IGF2BP3: variants seen among roughly 807,000 people sequenced by gnomAD.
The protein encoded by IGF2BP3 is insulin like growth factor 2 mRNA binding protein 3, also known as insulin-like growth factor 2 mRNA-binding protein 3.
In IGF2BP3, 9 loss-of-function variants were observed where a neutral mutation model predicts 73.8. The ratio of observed to expected loss-of-function variants is 0.12; its 90% CI spans 0.07 to 0.21. The LOEUF (loss-of-function observed/expected upper bound fraction) is 0.21. IGF2BP3 is among the 10% of genes least tolerant of loss of function. The pLI is 1.00. For synonymous variants in IGF2BP3, 258 were observed against 256.7 expected (o/e 1.01, Z -0.05); for missense variants, 542 against 714.0 (o/e 0.76, Z 2.75).
At chr7:23,382,067 T>C (rs371262710) in intron 3 of IGF2BP3, among the ~76,000 whole-genome samples, 74 of 151,754 alleles carry the variant, frequency 4.9e-4, no homozygotes, top group Non-Finnish European at 9.3e-4. Flanking sequence ...CTGGGCAACA[T>C]AGGAAGACCC....
intron 2 of IGF2BP3, among the ~76,000 whole-genome samples, chr7:23,456,855 G>C (rs1369969882): frequency 2.6e-5 from 4 of 151,998 alleles, no homozygotes; most frequent in Non-Finnish European, 4.4e-5. Flanking sequence ...AGACCATCCT[G>C]GCCAACCAAT....
In IGF2BP3 at chr7:23,374,354, A is replaced by G. The variant is rs370147647; in HGVS notation, c.286-12613T>C. On this transcript the variant is annotated intron_variant, in intron 3 of 14. Transcript: ENST00000258729. Reference sequence around the variant, plus strand: ...GGATACCAAAATTCACAGATGCTCAAGTCCCTTATATAAAAATAGTATAGT... The same window carrying G: ...GGATACCAAAATTCACAGATGCTCAGGTCCCTTATATAAAAATAGTATAGT... Among the ~76,000 whole-genome samples, 6 of 152,170 alleles carry G rather than the reference A, an allele frequency of 3.9e-5. No individual in the cohort carries two copies. In the East Asian group the frequency reaches 1.2e-3, roughly 29 times the overall value.
intron 2 of IGF2BP3, among the ~76,000 whole-genome samples, chr7:23,430,412 T>G (rs1787643229): frequency 6.6e-6 from 1 of 152,138 alleles, no homozygotes; most frequent in Non-Finnish European, 1.5e-5. Flanking sequence ...AAGGTTCGGA[T>G]TTGGACTGGT....
At chr7:23,442,099 C>T (rs1787950601) in intron 2 of IGF2BP3, among the ~76,000 whole-genome samples, 1 of 152,224 alleles carries the variant, frequency 6.6e-6, no homozygotes, top group South Asian at 2.1e-4. Flanking sequence ...TGCACTCCAG[C>T]CTGGGCAACA....
intron 2 of IGF2BP3, among the ~76,000 whole-genome samples, chr7:23,450,989 T>C (rs1310348536): frequency 6.6e-6 from 1 of 152,246 alleles, no homozygotes; most frequent in Non-Finnish European, 1.5e-5. Context: ...CATATCCATA[T>C]GTGGCTGGAT....
At chr7:23,434,692 C>G (rs1021400544) in intron 2 of IGF2BP3, among the ~76,000 whole-genome samples, 1 of 152,170 alleles carries the variant, frequency 6.6e-6, no homozygotes, top group Admixed American at 6.6e-5. Context: ...TAACCCTTCT[C>G]CTAGCAGAAA....
chr7:23,444,309 T>TA (rs1788005158), intron 2 of IGF2BP3, among the ~76,000 whole-genome samples: 1 of 152,180 alleles, frequency 6.6e-6, no homozygotes, highest in African/African-American at 2.4e-5. Flanking sequence ...ACAAGATGTT[T>TA]AAATAGGTTA....
At chr7:23,367,739 G>A (rs768761066) in intron 3 of IGF2BP3, among the ~76,000 whole-genome samples, 1 of 151,884 alleles carries the variant, frequency 6.6e-6, no homozygotes, top group Non-Finnish European at 1.5e-5. Context: ...GGTGGCTCAC[G>A]CCTGTAATCC....
rs185924252 is a variant in IGF2BP3, at chr7:23,403,138, T to C, written c.285+15638A>G. Among the ~76,000 whole-genome samples, 4 of 152,334 alleles carry C rather than the reference T, an allele frequency of 2.6e-5. No homozygotes were observed. In the East Asian group the frequency reaches 7.7e-4, roughly 29 times the overall value. On this transcript the variant is annotated intron_variant, in intron 3 of 14. Coordinates refer to ENST00000258729, the MANE Select transcript of IGF2BP3 (RefSeq NM_006547.3). ...ATATTTATTGCTCAGTTTTCATATA[T>C]ACTGCATCTTCCAAAACTGTATCAT...
Position 23,342,121 on chromosome 7 carries a change from C to A in IGF2BP3, c.1146G>T (p.Met382Ile). Residue 382 changes from methionine (M) to isoleucine (I), a missense_variant, in exon 10 of 15, where the codon ATG becomes ATT. Coordinates refer to ENST00000258729, the MANE Select transcript of IGF2BP3 (RefSeq NM_006547.3). ...AAGGGGGCCCTGAGGTGGGAGGTGGCATCCCTGAAGTGGGTGGGAACAGAC... is the reference window on the plus strand; with the variant it reads ...AAGGGGGCCCTGAGGTGGGAGGTGGAATCCCTGAAGTGGGTGGGAACAGAC... ...ALGLFPPTSG[M>I]PPPTSGPPSA... The A allele has an allele frequency of 6.2e-7, 1 of 1,609,784 alleles. No homozygotes were observed. The highest frequency in any genetic ancestry group is 8.5e-7 in the Non-Finnish European group (1 of 1,178,656).
intron 3 of IGF2BP3, among the ~76,000 whole-genome samples, chr7:23,375,736 A>G (rs1309827036): frequency 6.6e-6 from 1 of 152,224 alleles, no homozygotes; most frequent in Non-Finnish European, 1.5e-5. Flanking sequence ...AGACCATCCC[A>G]GATGCTGGCA....
intron 2 of IGF2BP3, among the ~76,000 whole-genome samples, chr7:23,429,522 C>G (rs557091171): frequency 1.3e-5 from 2 of 152,324 alleles, no homozygotes; most frequent in African/African-American, 4.8e-5. Context: ...ATCCAACCAA[C>G]AGCATAACCA....
In IGF2BP3 at chr7:23,451,291, G is replaced by C. The variant is rs541164365; in HGVS notation, c.236+17191C>G. Among the ~76,000 whole-genome samples, 17 of 152,236 alleles carry C rather than the reference G, an allele frequency of 1.1e-4. No individual in the cohort carries two copies. In the East Asian group the frequency reaches 3.1e-3, roughly 28 times the overall value. On this transcript the variant is annotated intron_variant, in intron 2 of 14. Coordinates refer to ENST00000258729, the MANE Select transcript of IGF2BP3 (RefSeq NM_006547.3). ...AAACTAGTCAGGTGTGGTGGTGCAT[G>C]CCTGTAGTCCCAGCTACTCGGGAGG...
chr7:23,355,513 G>A (rs111528453), intron 5 of IGF2BP3, among the ~76,000 whole-genome samples: 1 of 152,052 alleles, frequency 6.6e-6, no homozygotes, highest in Non-Finnish European at 1.5e-5. Flanking sequence ...TTACAAGTGT[G>A]AGCCACAGCG....
At chr7:23,440,966 A>G (rs955924172) in intron 2 of IGF2BP3, among the ~76,000 whole-genome samples, 5 of 152,150 alleles carry the variant, frequency 3.3e-5, no homozygotes, top group Non-Finnish European at 5.9e-5. Flanking sequence ...ATTTACCCCT[A>G]TGTTTACAAC....
intron 3 of IGF2BP3, chr7:23,415,286 G>A (rs1405544315): frequency 3.3e-5 from 8 of 242,876 alleles, no homozygotes; most frequent in African/African-American, 1.2e-4. Flanking sequence ...GTCCCTGTAC[G>A]TCAGTCAGCA....
rs574549947 is a variant in IGF2BP3 at position 23,433,889 on chromosome 7, A to G, written c.237-15065T>C. On this transcript the variant is annotated intron_variant, in intron 2 of 14. Coordinates refer to ENST00000258729, the MANE Select transcript of IGF2BP3 (RefSeq NM_006547.3). Reference sequence around the variant, plus strand: ...CAAGAGTTCAAGACCAGTCTGGCCAACATGGCGAAAGCCCATCTCTGCTAA... The same window carrying G: ...CAAGAGTTCAAGACCAGTCTGGCCAGCATGGCGAAAGCCCATCTCTGCTAA... Among the ~76,000 whole-genome samples the G allele has an allele frequency of 2.0e-5, 3 of 152,244 alleles. No individual in the cohort carries two copies. The East Asian group carries it at 5.8e-4, about 29-fold the overall frequency.
At chr7:23,403,414 G>C (rs1786729831) in intron 3 of IGF2BP3, among the ~76,000 whole-genome samples, 1 of 151,934 alleles carries the variant, frequency 6.6e-6, no homozygotes, top group African/African-American at 2.4e-5. Context: ...GGTATTACTA[G>C]GACATTACAT....
intron 10 of IGF2BP3, among the ~76,000 whole-genome samples, chr7:23,335,703 A>T (rs1054723289): frequency 3.9e-5 from 6 of 152,230 alleles, no homozygotes; most frequent in Non-Finnish European, 7.3e-5. Flanking sequence ...GACTCCAAAG[A>T]GGCTATCAAA....
Sources: gnomAD v4.1 joint callset for allele counts (sites outside exome capture counted in the v4.1 genomes callset) on GRCh38, gnomAD v4.1.1 for gene constraint, MANE v1.5 for transcripts, NCBI Gene and HGNC (gene_info 2026-07-23, HGNC 2026-07-21) for gene names.